The following MMP16 variants were observed in gnomAD, a reference collection of about 807,000 sequenced individuals.
The protein encoded by MMP16 is matrix metallopeptidase 16.
MMP16 carries 12 observed loss-of-function variants against 67.8 expected under a neutral mutation model. That is an observed-to-expected ratio of 0.18 (90% CI 0.11 to 0.29). The LOEUF is 0.29. MMP16 is among the 10% of genes least tolerant of loss of function. MMP16 has a pLI of 1.00. For missense variants in MMP16, 475 were observed against 765.7 expected (o/e 0.62, Z 4.48); for synonymous variants, 249 against 255.9 (o/e 0.97, Z 0.26).
rs138060168 is a variant in MMP16 at position 88,058,493 on chromosome 8, TCAAA to T, written c.1223-2219_1223-2216del. Among the ~76,000 whole-genome samples the T allele has an allele frequency of 4.2e-4, 64 of 152,134 alleles. No homozygotes were observed. The East Asian group carries it at 6.8e-3, about 16-fold the overall frequency. ...TTAGATATCAGTGAGTGAGTATGAA[TCAAA>T]CAGATGAATAAATTAAAACTTCAGA... On this transcript the variant is annotated intron_variant, in intron 7 of 9. Transcript: ENST00000286614. This position sits in a 1 kb window ranked among gnomAD's most constrained non-coding sequence, Gnocchi z 4.2.
At chr8:88,064,361 T>C (rs1162612349) in intron 7 of MMP16, among the ~76,000 whole-genome samples, 1 of 152,146 alleles carries the variant, frequency 6.6e-6, no homozygotes, top group Non-Finnish European at 1.5e-5. Flanking sequence ...CATCAGGGAA[T>C]TTAAAACATT....
chr8:88,157,219 TG>T (rs1339700062), intron 4 of MMP16, among the ~76,000 whole-genome samples: 1 of 152,128 alleles, frequency 6.6e-6, no homozygotes. Context: ...GTACCAGATA[TG>T]TACAGACTCT....
At chr8:88,161,705 G>T (rs912441039) in intron 4 of MMP16, among the ~76,000 whole-genome samples, 1 of 151,668 alleles carries the variant, frequency 6.6e-6, no homozygotes, top group African/African-American at 2.4e-5. Flanking sequence ...ATAAATTTCC[G>T]TCTACACACT....
intron 9 of MMP16, among the ~76,000 whole-genome samples, chr8:88,043,214 G>C (rs558251593): frequency 2.6e-4 from 40 of 152,138 alleles, no homozygotes; most frequent in Non-Finnish European, 4.6e-4. Flanking sequence ...GTGAACACAA[G>C]ATTTAAACCT....
chr8:88,064,848 A>G (rs1808443780), intron 7 of MMP16, among the ~76,000 whole-genome samples: 1 of 152,064 alleles, frequency 6.6e-6, no homozygotes, highest in Admixed American at 6.6e-5. Flanking sequence ...TCCAGATTCC[A>G]CAATATTATC....
At chr8:88,214,341 A>T (rs2129826189) in intron 1 of MMP16, among the ~76,000 whole-genome samples, 1 of 152,252 alleles carries the variant, frequency 6.6e-6, no homozygotes, top group Middle Eastern at 3.4e-3. Flanking sequence ...CAAATTCCAA[A>T]TCTGAAAATT....
chr8:88,291,411 A>C (rs1810924019), intron 1 of MMP16, among the ~76,000 whole-genome samples: 1 of 152,252 alleles, frequency 6.6e-6, no homozygotes, highest in South Asian at 2.1e-4. Flanking sequence ...CTTGTGTGAC[A>C]AAACCAGTAG....
chr8:88,183,268 T>C (rs1809010590), intron 3 of MMP16, among the ~76,000 whole-genome samples: 1 of 152,200 alleles, frequency 6.6e-6, no homozygotes. Flanking sequence ...TGCAAGATGT[T>C]AATAATAGGA....
At chr8:88,228,447 T>C (rs1809805151) in intron 1 of MMP16, among the ~76,000 whole-genome samples, 1 of 152,032 alleles carries the variant, frequency 6.6e-6, no homozygotes, top group Non-Finnish European at 1.5e-5. Flanking sequence ...CAAGGTAAAA[T>C]GCTTATGTGA....
At chr8:88,089,098 T>G (rs1029305312) in intron 6 of MMP16, among the ~76,000 whole-genome samples, 1 of 152,014 alleles carries the variant, frequency 6.6e-6, no homozygotes, top group African/African-American at 2.4e-5. Flanking sequence ...ACTTTGTGAA[T>G]GTATACAAGC....
intron 4 of MMP16, among the ~76,000 whole-genome samples, chr8:88,128,778 C>T (rs1482518906): frequency 6.6e-6 from 1 of 151,760 alleles, no homozygotes; most frequent in Non-Finnish European, 1.5e-5. Flanking sequence ...TATGGATCCC[C>T]AAGAAAATAC....
intron 1 of MMP16, among the ~76,000 whole-genome samples, chr8:88,213,933 C>A (rs546730344): frequency 6.6e-6 from 1 of 152,276 alleles, no homozygotes; most frequent in East Asian, 1.9e-4. Context: ...CTATTCTAAT[C>A]TCTCTTCACT....
intron 4 of MMP16, among the ~76,000 whole-genome samples, chr8:88,144,331 AAAAG>A (rs1472421159): frequency 6.6e-6 from 1 of 151,948 alleles, no homozygotes; most frequent in Non-Finnish European, 1.5e-5. Flanking sequence ...TTGGCATACA[AAAAG>A]AAAGTTCTAA....
At chr8:88,070,867 A>T (rs1808541275) in intron 7 of MMP16, among the ~76,000 whole-genome samples, 2 of 152,094 alleles carry the variant, frequency 1.3e-5, no homozygotes, top group African/African-American at 4.8e-5. Context: ...TGTTTTCAGA[A>T]GGAAAGATAA....
intron 1 of MMP16, among the ~76,000 whole-genome samples, chr8:88,252,945 A>C (rs933926428): frequency 4.6e-5 from 7 of 152,140 alleles, no homozygotes; most frequent in Non-Finnish European, 1.0e-4. Context: ...AGATTTGATC[A>C]ATAAATGTGC....
intron 1 of MMP16, among the ~76,000 whole-genome samples, chr8:88,227,094 A>T (rs2129862684): frequency 6.6e-6 from 1 of 152,140 alleles, no homozygotes; most frequent in East Asian, 1.9e-4. Flanking sequence ...CCTATGTAAC[A>T]GCTTCACAAA....
Position 88,183,649 on chromosome 8 carries a change from A to G in MMP16, c.404+2827T>C, listed in dbSNP as rs190022096. On this transcript the variant is annotated intron_variant, in intron 3 of 9. Coordinates refer to ENST00000286614, the MANE Select transcript of MMP16 (RefSeq NM_005941.5). ...TTTACCAACCTTTTATATGTGAACT[A>G]TATAACGAAAGTGTAGTATTTATTT... is the stretch of plus-strand genomic sequence containing the variant. Among the ~76,000 whole-genome samples, 4 of 151,044 alleles carry G rather than the reference A, an allele frequency of 2.6e-5. No homozygotes were observed. In the East Asian group the frequency reaches 5.8e-4, roughly 22 times the overall value.
chr8:88,245,289 T>C (rs543087235), intron 1 of MMP16, among the ~76,000 whole-genome samples: 3 of 152,170 alleles, frequency 2.0e-5, no homozygotes, highest in Non-Finnish European at 4.4e-5. Flanking sequence ...ATACAGGCTG[T>C]TCCTCACTAT....
chr8:88,265,678 G>A (rs192416442), intron 1 of MMP16, among the ~76,000 whole-genome samples: 31 of 152,226 alleles, frequency 2.0e-4, no homozygotes, highest in South Asian at 4.1e-4. Context: ...AAAGTCCCAC[G>A]CAAAATCATA....
Sources: allele counts gnomAD v4.1 joint callset (sites outside exome capture counted in the v4.1 genomes callset), GRCh38; gene constraint gnomAD v4.1.1; non-coding constraint Gnocchi (gnomAD v3.1); transcripts MANE v1.5; gene names NCBI Gene and HGNC (gene_info 2026-07-23, HGNC 2026-07-21).